The following FOCAD variants were observed in gnomAD, a reference collection of about 807,000 sequenced individuals.
FOCAD encodes focadhesin.
FOCAD carries 198 observed loss-of-function variants against 225.6 expected under a neutral mutation model. The ratio of observed to expected loss-of-function variants is 0.88; its 90% CI spans 0.78 to 0.99. The LOEUF (loss-of-function observed/expected upper bound fraction) is 0.99, where lower values mean the gene tolerates loss of function less well. FOCAD is among the 50% of genes least tolerant of loss of function. The pLI, the probability that FOCAD is intolerant of heterozygous loss-of-function variation, is 0.00. For missense variants in FOCAD, 2,713 were observed against 2,123.6 expected (o/e 1.28, Z -5.46); for synonymous variants, 897 against 755.0 (o/e 1.19, Z -3.08).
intron 11 of FOCAD, among the ~76,000 whole-genome samples, chr9:20,806,445 C>T (rs888562880): frequency 1.3e-5 from 2 of 151,990 alleles, no homozygotes; most frequent in East Asian, 1.9e-4. Flanking sequence ...GGCGGCTTGT[C>T]GAAAATTCCT....
At chr9:20,847,096 C>T (rs1827190012) in intron 15 of FOCAD, among the ~76,000 whole-genome samples, 1 of 152,052 alleles carries the variant, frequency 6.6e-6, no homozygotes, top group Non-Finnish European at 1.5e-5. Flanking sequence ...TAATACAGTT[C>T]AGCCATTTTA....
intron 23 of FOCAD, among the ~76,000 whole-genome samples, chr9:20,914,481 C>T (rs923237292): frequency 2.6e-5 from 4 of 152,072 alleles, no homozygotes; most frequent in South Asian, 2.1e-4. Flanking sequence ...ATTTTCTGTA[C>T]GGTGTTCAGG....
At chr9:20,987,191 T>C (rs1841258045) in intron 40 of FOCAD, among the ~76,000 whole-genome samples, 1 of 152,166 alleles carries the variant, frequency 6.6e-6, no homozygotes, top group African/African-American at 2.4e-5. Context: ...TCTTGTATTG[T>C]TATGATTTTT....
intron 6 of FOCAD, among the ~76,000 whole-genome samples, chr9:20,761,025 G>C (rs183278348): frequency 1.6e-4 from 25 of 151,598 alleles, no homozygotes; most frequent in African/African-American, 6.1e-4. Flanking sequence ...TTTTTTGGGG[G>C]GGGGCGTTAC....
chr9:20,730,275 T>A (rs996470759), intron 4 of FOCAD, among the ~76,000 whole-genome samples: 3 of 152,178 alleles, frequency 2.0e-5, no homozygotes, highest in African/African-American at 7.2e-5. Context: ...ACATTCTAAT[T>A]CTATGTTTTT....
At chr9:20,767,052 C>T (rs1331560581) in intron 7 of FOCAD, among the ~76,000 whole-genome samples, 3 of 150,856 alleles carry the variant, frequency 2.0e-5, no homozygotes, top group African/African-American at 4.9e-5. Flanking sequence ...TCAATTCCCA[C>T]CTATGAGTGA....
chr9:20,976,792 C>T (rs946094574), intron 36 of FOCAD, among the ~76,000 whole-genome samples: 1 of 152,152 alleles, frequency 6.6e-6, no homozygotes, highest in African/African-American at 2.4e-5. Context: ...CTGAGGTTTG[C>T]GCACTGCTGG....
intron 22 of FOCAD, among the ~76,000 whole-genome samples, chr9:20,908,333 A>T (rs1275274184): frequency 1.3e-5 from 2 of 152,018 alleles, no homozygotes; most frequent in Non-Finnish European, 2.9e-5. Flanking sequence ...GGATGGGGTG[A>T]GAGGAATGAC....
chr9:20,771,268 C>T (rs1046782748), intron 8 of FOCAD, among the ~76,000 whole-genome samples: 10 of 152,212 alleles, frequency 6.6e-5, no homozygotes, highest in African/African-American at 1.9e-4. Context: ...CCATGCCACA[C>T]AAATGAGTTT....
intron 35 of FOCAD, among the ~76,000 whole-genome samples, chr9:20,960,395 T>A (rs1838593256): frequency 6.6e-6 from 1 of 152,180 alleles, no homozygotes; most frequent in Non-Finnish European, 1.5e-5. Context: ...TCTTCTAGGT[T>A]TCTCCACTAT....
intron 29 of FOCAD, among the ~76,000 whole-genome samples, chr9:20,946,284 A>G (rs776744350): frequency 1.1e-4 from 16 of 152,072 alleles, no homozygotes; most frequent in Non-Finnish European, 2.1e-4. Context: ...TGAATTTCCT[A>G]TCCTGTTTGG....
intron 41 of FOCAD, 42 bp from the exon 42 acceptor site, chr9:20,990,081 G>A: frequency 1.2e-6 from 2 of 1,609,588 alleles, no homozygotes; most frequent in Non-Finnish European, 1.7e-6. Context: ...ACTTTGAATT[G>A]TTAAAAAATA....
intron 8 of FOCAD, among the ~76,000 whole-genome samples, chr9:20,778,473 G>C (rs1223622571): frequency 6.6e-6 from 1 of 152,160 alleles, no homozygotes; most frequent in Non-Finnish European, 1.5e-5. Flanking sequence ...ACCTGCCTTG[G>C]CCTCCCAAAG....
At chr9:20,804,272 G>C (rs1404007913) in intron 11 of FOCAD, among the ~76,000 whole-genome samples, 1 of 151,912 alleles carries the variant, frequency 6.6e-6, no homozygotes, top group African/African-American at 2.4e-5. Flanking sequence ...CTATAATCAA[G>C]TATGCCCATT....
rs763465924 is a variant in FOCAD at position 20,949,592 on chromosome 9, T to G, written c.3877-12T>G. Reference sequence around the variant, plus strand: ...GGGTGGGTGGGATGGGTATTTCTTCTTATTCTTTCAGCTGAAATCAGAAGC... The same window carrying G: ...GGGTGGGTGGGATGGGTATTTCTTCGTATTCTTTCAGCTGAAATCAGAAGC... On this transcript the variant is annotated splice_polypyrimidine_tract_variant and intron_variant, in intron 32 of 43. Coordinates refer to ENST00000338382, the MANE Select transcript of FOCAD (RefSeq NM_001375567.1). The G allele has an allele frequency of 5.0e-6, 8 of 1,612,152 alleles. No homozygotes were observed. Among genetic ancestry groups the G allele is most frequent in the Admixed American group, 1.7e-5 (1 of 59,970 alleles).
At chr9:20,897,873 A>G (rs540268149) in intron 21 of FOCAD, among the ~76,000 whole-genome samples, 5 of 151,926 alleles carry the variant, frequency 3.3e-5, no homozygotes, top group Admixed American at 3.3e-4. Flanking sequence ...TCTGATCTCT[A>G]TAATTTGCTT....
intron 10 of FOCAD, among the ~76,000 whole-genome samples, chr9:20,785,342 A>AT (rs1370653818): frequency 5.9e-5 from 9 of 152,062 alleles, no homozygotes; most frequent in Admixed American, 5.9e-4. Context: ...ACTTTAGAAC[A>AT]TTTTTATTTT....
chr9:20,807,906 C>A (rs964856051), intron 11 of FOCAD, among the ~76,000 whole-genome samples: 4 of 152,048 alleles, frequency 2.6e-5, no homozygotes, highest in African/African-American at 9.7e-5. Context: ...AAAAAATTAG[C>A]TAGGCATGGT....
chr9:20,802,128 T>C (rs1377770279), intron 11 of FOCAD, among the ~76,000 whole-genome samples: 1 of 152,082 alleles, frequency 6.6e-6, no homozygotes, highest in African/African-American at 2.4e-5. Flanking sequence ...AGAAGTGATT[T>C]GGGATGATTT....
Sources: allele counts gnomAD v4.1 joint callset (sites outside exome capture counted in the v4.1 genomes callset), GRCh38; gene constraint gnomAD v4.1.1; transcripts MANE v1.5; gene names NCBI Gene and HGNC (gene_info 2026-07-23, HGNC 2026-07-21).